RPAP2: variants seen among roughly 807,000 people sequenced by gnomAD.
RPAP2 encodes RNA polymerase II associated protein 2.
RPAP2 carries 52 observed loss-of-function variants against 73.1 expected under a neutral mutation model. The observed-to-expected ratio is 0.71, with a 90% confidence interval of 0.57 to 0.90. RPAP2 has a LOEUF of 0.90. Among genes scored for constraint, RPAP2 ranks in the 40% least tolerant of loss-of-function variants. RPAP2 has a pLI of 0.00. For synonymous variants in RPAP2, 225 were observed against 242.1 expected (o/e 0.93, Z 0.65); for missense variants, 598 against 701.8 (o/e 0.85, Z 1.67).
At chr1:92,376,777 G>T (rs187497793) in intron 11 of RPAP2, among the ~76,000 whole-genome samples, 8 of 152,286 alleles carry the variant, frequency 5.3e-5, no homozygotes, top group Admixed American at 4.6e-4. Flanking sequence ...GCACTTTATA[G>T]CCTACAAAGA....
Position 92,383,124 on chromosome 1 carries a change from C to G in RPAP2, c.1838+2251C>G, listed in dbSNP as rs575849420. On this transcript the variant is annotated intron_variant, in intron 12 of 12. Coordinates refer to ENST00000610020, the MANE Select transcript of RPAP2 (RefSeq NM_024813.3). ...GAGGGCTCTGTTCTGTTCCATTCAT[C>G]TATATCTCTGTTTTGGTACCAGTAC... Among the ~76,000 whole-genome samples, 179 of 152,278 alleles carry G rather than the reference C, an allele frequency of 1.2e-3. 1 individual carries two copies. The highest frequency in any genetic ancestry group is 4.2e-3 in the African/African-American group (174 of 41,562).
At chr1:92,343,669 T>A (rs1465119071) in intron 10 of RPAP2, among the ~76,000 whole-genome samples, 2 of 152,230 alleles carry the variant, frequency 1.3e-5, no homozygotes, top group East Asian at 3.8e-4. Flanking sequence ...CAGCCACTTG[T>A]TCTGTAAACT....
In RPAP2 at chr1:92,307,026, A is replaced by G. The variant is rs562891535; in HGVS notation, c.400-162A>G. Among the ~76,000 whole-genome samples, 6 of 152,296 alleles carry G rather than the reference A, an allele frequency of 3.9e-5. No homozygotes were observed. The South Asian group carries it at 1.0e-3, about 26-fold the overall frequency. On this transcript the variant is annotated intron_variant, in intron 5 of 12. Transcript: ENST00000610020. ...GTGATGCAGTTGGGAAGGGGCACAT[A>G]GAGGCCTTCAAAGGTTCAGTATCTT...
In RPAP2 at chr1:92,323,827, A is replaced by T. The variant is rs756383328; in HGVS notation, c.907A>T (p.Ser303Cys). ...AGTAAATACTCAGAGTTCTTCAAAT[A>T]GCACTTTGCCTGAAAGATTAAAAGC... is the stretch of plus-strand genomic sequence containing the variant. ...QKVNTQSSSN[S>C]TLPERLKASE... Residue 303 changes from serine to cysteine, a missense_variant, in exon 8 of 13, where the codon AGC becomes TGC. Around this residue, in one of 3 missense-constraint regions of RPAP2, gnomAD observed 506 missense variants for 612.8 expected, o/e 0.83. Transcript: ENST00000610020. The T allele has an allele frequency of 7.4e-6, 12 of 1,614,130 alleles. No individual in the cohort carries two copies. The highest frequency in any genetic ancestry group is 9.3e-6 in the Non-Finnish European group (11 of 1,179,992).
intron 9 of RPAP2, among the ~76,000 whole-genome samples, chr1:92,334,500 T>C (rs1482377824): frequency 2.6e-5 from 4 of 152,082 alleles, no homozygotes. Flanking sequence ...TGGAAACAGT[T>C]AGGGGTCAAA....
intron 6 of RPAP2, among the ~76,000 whole-genome samples, chr1:92,314,970 G>A (rs765422574): frequency 7.3e-5 from 11 of 150,382 alleles, no homozygotes; most frequent in Admixed American, 2.0e-4. Flanking sequence ...TCTTGAACCC[G>A]AGAGGCAGAG....
At chr1:92,326,366 A>AG (rs998692055) in intron 8 of RPAP2, among the ~76,000 whole-genome samples, 17 of 152,158 alleles carry the variant, frequency 1.1e-4, no homozygotes, top group African/African-American at 3.9e-4. Context: ...TGGAGATGGC[A>AG]GGGGGGTGAA....
rs190608611 is a variant in RPAP2 at position 92,345,835 on chromosome 1, C to T, written c.1620-11C>T. On this transcript the variant is annotated splice_polypyrimidine_tract_variant and intron_variant, in intron 10 of 12. Transcript: ENST00000610020. ...GTAACACTCCTTGGATAAATTTTAT[C>T]TATCTTTCAGGTTAACAAATAGAAA... 8.7e-6 allele frequency: 13 copies of T among 1,500,092 alleles called. No individual in the cohort carries two copies. The highest frequency in any genetic ancestry group is 1.1e-5 in the Non-Finnish European group (12 of 1,081,632). The allele number at this position is 1,500,092 out of a possible 1,614,324, so 92.9% of individuals were successfully genotyped here.
rs1392627303 is a variant in RPAP2, at chr1:92,393,411, A to G, written c.*6400A>G. The G allele has an allele frequency of 1.3e-5, 2 of 152,260 alleles. No individual in the cohort carries two copies. The highest frequency in any genetic ancestry group is 4.8e-5 in the African/African-American group (2 of 41,476). The allele number at this position is 152,260 out of a possible 1,614,324, so 9.4% of individuals were successfully genotyped here. ...AAACCTGGGCAATACCATTCAGGAC[A>G]TAGGCATGGGCAAAGACTTCATGTC... On this transcript the variant is annotated 3_prime_UTR_variant, in exon 13 of 13. Transcript: ENST00000610020.
At chr1:92,322,733 C>G (rs1387889302) in intron 7 of RPAP2, among the ~76,000 whole-genome samples, 4 of 149,676 alleles carry the variant, frequency 2.7e-5, no homozygotes, top group African/African-American at 9.8e-5. Context: ...AAAAATTAGC[C>G]AGGCGTGGTG....
chr1:92,326,597 C>T (rs895662064), intron 8 of RPAP2, among the ~76,000 whole-genome samples: 1 of 152,056 alleles, frequency 6.6e-6, no homozygotes, highest in Non-Finnish European at 1.5e-5. Flanking sequence ...GGGCTATGTG[C>T]GTCTGAACTC....
intron 11 of RPAP2, among the ~76,000 whole-genome samples, chr1:92,357,796 T>C (rs1300008041): frequency 6.6e-6 from 1 of 152,238 alleles, no homozygotes; most frequent in Non-Finnish European, 1.5e-5. Flanking sequence ...CCTCCCAAAG[T>C]GTTGGGATTA....
intron 8 of RPAP2, 123 bp from the exon 9 acceptor site, chr1:92,333,268 C>T (rs555732778): frequency 4.4e-6 from 3 of 688,472 alleles, no homozygotes; most frequent in South Asian, 2.0e-5. Flanking sequence ...ATTCTCAAGT[C>T]TAGTTATTTT....
At chr1:92,324,416 T>C (rs907392121) in intron 8 of RPAP2, 41 bp downstream of exon 8, 1 of 1,433,260 alleles carries the variant, frequency 7.0e-7, no homozygotes, top group Non-Finnish European at 9.6e-7. Flanking sequence ...ATCGTTAACA[T>C]TTGGAAAACT....
intron 7 of RPAP2, among the ~76,000 whole-genome samples, chr1:92,322,777 C>T (rs915131365): frequency 3.3e-5 from 5 of 150,314 alleles, no homozygotes; most frequent in African/African-American, 4.9e-5. Context: ...CTTGGGAGGC[C>T]GAGGTGGGAG....
intron 9 of RPAP2, 137 bp downstream of exon 9, chr1:92,333,610 C>A: frequency 3.0e-6 from 2 of 660,670 alleles, no homozygotes; most frequent in Non-Finnish European, 5.1e-6. Flanking sequence ...GATTTCTTCA[C>A]TTAAGAAATT....
In RPAP2 at chr1:92,323,485, A is replaced by G; in HGVS notation, c.565A>G (p.Ile189Val). 6.2e-7 allele frequency: 1 copy of G among 1,612,910 alleles called. No homozygotes were observed. Among genetic ancestry groups the G allele is most frequent in the Admixed American group, 1.7e-5 (1 of 59,850 alleles). ...AGAAGTACAGTTATGCAGTAAAGCC[A>G]TTAAAACATCAGATATCGACAATCC... is the stretch of plus-strand genomic sequence containing the variant. ...GEEVQLCSKA[I>V]KTSDIDNPSH... The change falls in exon 8 of 13, where the codon ATT (isoleucine) becomes GTT (valine). Residue 189 changes from isoleucine (I) to valine (V), a missense_variant. By Grantham distance (29) the Ile-to-Val change is conservative. Coordinates refer to ENST00000610020, the MANE Select transcript of RPAP2 (RefSeq NM_024813.3).
intron 12 of RPAP2, among the ~76,000 whole-genome samples, chr1:92,384,764 G>A (rs1384102073): frequency 6.6e-6 from 1 of 152,094 alleles, no homozygotes; most frequent in East Asian, 1.9e-4. Flanking sequence ...GTTTGTATAA[G>A]CATAACATTC....
intron 11 of RPAP2, among the ~76,000 whole-genome samples, chr1:92,351,166 G>T (rs1365415658): frequency 4.0e-5 from 6 of 151,506 alleles, no homozygotes; most frequent in African/African-American, 1.5e-4. Context: ...AATTAGCTGG[G>T]TGTGGTGGCA....
Sources: gnomAD v4.1 joint callset for allele counts (sites outside exome capture counted in the v4.1 genomes callset) on GRCh38, gnomAD v4.1.1 for gene constraint, gnomAD v4.1.1 regional missense constraint, MANE v1.5 for transcripts, NCBI Gene and HGNC (gene_info 2026-07-23, HGNC 2026-07-21) for gene names.